CHD7: variants seen among roughly 807,000 people sequenced by gnomAD.
CHD7 encodes ATP-dependent chromatin remodeler CHD7.
CHD7 carries 24 observed loss-of-function variants against 307.3 expected under a neutral mutation model. That is an observed-to-expected ratio of 0.08 (90% confidence interval 0.06 to 0.11). CHD7 has a LOEUF of 0.11. CHD7 is among the 10% of genes least tolerant of loss of function. CHD7 has a pLI of 1.00. For missense variants in CHD7, 3,106 were observed against 3,727.1 expected (o/e 0.83, Z 4.34); for synonymous variants, 1,363 against 1,349.9 (o/e 1.01, Z -0.21).
rs145944282 is a variant in CHD7, at chr8:60,808,658, G to A, written c.2498+386G>A. 6 of 171,958 alleles carry A rather than the reference G, an allele frequency of 3.5e-5. No individual in the cohort carries two copies. The East Asian group carries it at 1.0e-3, about 30-fold the overall frequency. 10.7% of individuals were successfully genotyped at this position (171,958 alleles called of 1,614,324 possible). On this transcript the variant is annotated intron_variant, in intron 7 of 37. Transcript: ENST00000423902. ...AGGCCCTAGAGACAAGAACTCTCCT[G>A]TGGAATGAAAGCTCTAGAGAACCAT...
chr8:60,837,533 A>G (rs1804794549), intron 17 of CHD7, 135 bp from the exon 18 acceptor site: 2 of 706,612 alleles, frequency 2.8e-6, no homozygotes, highest in Admixed American at 3.0e-5. Flanking sequence ...CTCCACCTTC[A>G]TGACCTAATT....
chr8:60,721,638 T>A (rs924363636), intron 1 of CHD7, among the ~76,000 whole-genome samples: 22 of 152,144 alleles, frequency 1.4e-4, no homozygotes, highest in Non-Finnish European at 7.4e-5. Context: ...AATTTCAGAT[T>A]TAGGATTGAC....
At chr8:60,803,356 A>G (rs1426395230) in intron 6 of CHD7, among the ~76,000 whole-genome samples, 3 of 152,198 alleles carry the variant, frequency 2.0e-5, no homozygotes, top group Admixed American at 6.5e-5. Context: ...TAGACTATAT[A>G]TTATGTAGAA....
At chr8:60,819,411 C>T (rs1244972157) in intron 8 of CHD7, among the ~76,000 whole-genome samples, 2 of 152,154 alleles carry the variant, frequency 1.3e-5, no homozygotes, top group African/African-American at 4.8e-5. Context: ...CCTAAACACA[C>T]TATATTCAAT....
chr8:60,682,450 G>A (rs914775494), intron 1 of CHD7, among the ~76,000 whole-genome samples: 23 of 152,194 alleles, frequency 1.5e-4, no homozygotes, highest in Admixed American at 3.9e-4. Flanking sequence ...CACTGTAAAT[G>A]CTTCTGTGTG....
intron 2 of CHD7, among the ~76,000 whole-genome samples, chr8:60,774,005 A>T (rs528346195): frequency 6.6e-6 from 1 of 152,326 alleles, no homozygotes; most frequent in Admixed American, 6.5e-5. Flanking sequence ...TAGGGTTAGG[A>T]TCTTAAATAG....
At position 60,741,592 on chromosome 8, in the gene CHD7, C is replaced by G; in HGVS notation, c.160C>G (p.Leu54Val). Residue 54 changes from leucine (L) to valine (V), a missense_variant, in exon 2 of 38, where the codon CTT becomes GTT. Coordinates refer to ENST00000423902, the MANE Select transcript of CHD7 (RefSeq NM_017780.4). ...DQGFASLQPS[L>V]HHPSTNQNQT... The stretch of plus-strand genomic sequence containing the variant: ...AGGCTTTGCCTCTTTACAGCCATCC[C>G]TTCATCATCCTTCAACTAATCAAAA... 3.1e-6 allele frequency: 5 copies of G among 1,613,724 alleles called. No homozygotes were observed. The highest frequency in any genetic ancestry group is 4.2e-6 in the Non-Finnish European group (5 of 1,179,768).
intron 1 of CHD7, among the ~76,000 whole-genome samples, chr8:60,706,374 G>A (rs1008471589): frequency 3.0e-4 from 46 of 152,240 alleles, no homozygotes; most frequent in African/African-American, 1.1e-3. Context: ...ATAAAATAGC[G>A]AGTTTTATGA....
At chr8:60,690,474 A>T (rs1371888825) in intron 1 of CHD7, among the ~76,000 whole-genome samples, 1 of 151,770 alleles carries the variant, frequency 6.6e-6, no homozygotes, top group Non-Finnish European at 1.5e-5. Context: ...CCCACTTATT[A>T]AAAAAAATAA....
chr8:60,794,533 G>C (rs1260101732), intron 3 of CHD7, among the ~76,000 whole-genome samples: 1 of 152,038 alleles, frequency 6.6e-6, no homozygotes, highest in African/African-American at 2.4e-5. Context: ...TAACTGGATG[G>C]TATAAAAGAG....
chr8:60,698,937 C>A (rs1423854163), intron 1 of CHD7, among the ~76,000 whole-genome samples: 8 of 152,186 alleles, frequency 5.3e-5, no homozygotes, highest in Admixed American at 3.3e-4. Flanking sequence ...CAGGCACATA[C>A]CACCATGCCT....
intron 13 of CHD7, chr8:60,824,518 A>G (rs1804182834): frequency 6.4e-6 from 1 of 156,398 alleles, no homozygotes. Flanking sequence ...CTTAACCTGT[A>G]CTGCCATTTC....
At chr8:60,743,828 C>T (rs1396160480) in intron 2 of CHD7, among the ~76,000 whole-genome samples, 1 of 152,156 alleles carries the variant, frequency 6.6e-6, no homozygotes, top group Non-Finnish European at 1.5e-5. Context: ...TGCCCTAGGT[C>T]TGTGAAAGAT....
intron 23 of CHD7, 38 bp downstream of exon 23, chr8:60,845,447 C>T: frequency 6.3e-7 from 1 of 1,590,520 alleles, no homozygotes; most frequent in South Asian, 1.1e-5. Flanking sequence ...AGCTTAATTC[C>T]CTTTTTATTC....
chr8:60,823,709 C>T lies in CHD7; in HGVS notation c.3202-131C>T, dbSNP rs1804146148. 1.8e-5 allele frequency: 14 copies of T among 766,660 alleles called. No individual in the cohort carries two copies. The East Asian group carries it at 3.8e-4, about 21-fold the overall frequency. 47.5% of individuals were successfully genotyped at this position (766,660 alleles called of 1,614,324 possible). ...TAAAACTGCCAAAATAACTTGAAAA[C>T]AGAATGTATGTCACCTAAAATAAAG... On this transcript the variant is annotated intron_variant, in intron 12 of 37. Coordinates refer to ENST00000423902, the MANE Select transcript of CHD7 (RefSeq NM_017780.4).
At position 60,838,172 on chromosome 8, in the gene CHD7, G is replaced by A. The variant is rs1171098857; in HGVS notation, c.4450G>A (p.Glu1484Lys). ...GGAGGATGAAGGGTCTAAATTCTGTGAAGAAGATATTGATCAGATCCTCCT... is the reference window on the plus strand; with the variant it reads ...GGAGGATGAAGGGTCTAAATTCTGTAAAGAAGATATTGATCAGATCCTCCT... ...DEEDEGSKFC[E>K]EDIDQILLRR... Residue 1484 changes from glutamate (E) to lysine (K), a missense_variant, in exon 19 of 38, where the codon GAA (glutamate) becomes AAA (lysine). This residue lies in a region of CHD7 where 93 missense variants were observed against 176.4 expected (regional missense o/e 0.53). Coordinates refer to ENST00000423902, the MANE Select transcript of CHD7 (RefSeq NM_017780.4). 2 of 1,589,502 alleles carry A rather than the reference G, an allele frequency of 1.3e-6. No individual in the cohort carries two copies. The highest frequency in any genetic ancestry group is 3.6e-5 in the Admixed American group (2 of 56,090).
chr8:60,784,907 G>A (rs759982398), intron 3 of CHD7, among the ~76,000 whole-genome samples: 3 of 151,872 alleles, frequency 2.0e-5, no homozygotes, highest in Admixed American at 6.6e-5. Context: ...TCCCTTTCCC[G>A]TTTTATGTTA....
At chr8:60,695,805 T>A (rs1020367212) in intron 1 of CHD7, among the ~76,000 whole-genome samples, 1 of 152,262 alleles carries the variant, frequency 6.6e-6, no homozygotes, top group Non-Finnish European at 1.5e-5. Flanking sequence ...CCTCATTAAA[T>A]TAGCCAAGAC....
At chr8:60,852,760 TAAG>T (rs1375194421) in intron 30 of CHD7, 54 bp downstream of exon 30, 2 of 1,610,504 alleles carry the variant, frequency 1.2e-6, no homozygotes, top group Non-Finnish European at 1.7e-6. Context: ...AAGTGAAAAA[TAAG>T]AAAGTGTACA....
Sources: gnomAD v4.1 joint callset for allele counts (sites outside exome capture counted in the v4.1 genomes callset) on GRCh38, gnomAD v4.1.1 for gene constraint, gnomAD v4.1.1 regional missense constraint, MANE v1.5 for transcripts, NCBI Gene and HGNC (gene_info 2026-07-23, HGNC 2026-07-21) for gene names.